The following ZBTB43 variants were observed in gnomAD, a reference collection of about 807,000 sequenced individuals.
ZBTB43 encodes zinc finger and BTB domain containing 43, also known as zinc finger and BTB domain-containing protein 43.
ZBTB43 carries 6 observed loss-of-function variants against 31.1 expected under a neutral mutation model. The observed-to-expected ratio is 0.19, with a 90% CI of 0.11 to 0.38. ZBTB43 has a LOEUF of 0.38. ZBTB43 is among the 10% of genes least tolerant of loss of function. The pLI is 1.00. For synonymous variants in ZBTB43, 212 were observed against 221.7 expected (o/e 0.96, Z 0.39); for missense variants, 379 against 602.1 (o/e 0.63, Z 3.88).
rs2032796205 is a variant in ZBTB43 at position 126,833,040 on chromosome 9, A to C, written c.531A>C (p.Glu177Asp). 1 of 1,613,888 alleles carries C rather than the reference A, an allele frequency of 6.2e-7. No individual in the cohort carries two copies. Among genetic ancestry groups the C allele is most frequent in the South Asian group, 1.1e-5 (1 of 91,084 alleles). Residue 177 changes from glutamate (E) to aspartate (D), a missense_variant, in exon 3 of 3, where the codon GAA becomes GAC. By Grantham distance (45) the Glu-to-Asp change is conservative. Coordinates refer to ENST00000373464, the MANE Select transcript of ZBTB43 (RefSeq NM_014007.4). This position sits in a 1 kb window ranked among gnomAD's most constrained non-coding sequence, Gnocchi z 7.9. ...KAQELRDGEN[E>D]EESTKDELSS... is the part of the protein sequence containing the mutation. ...AAGAACTGAGAGATGGTGAAAATGA[A>C]GAGGAGAGCACCAAAGACGAGCTGT...
intron 2 of ZBTB43, among the ~76,000 whole-genome samples, chr9:126,822,334 A>G (rs1456146224): frequency 6.6e-6 from 1 of 152,142 alleles, no homozygotes; most frequent in African/African-American, 2.4e-5. Flanking sequence ...GATTGACTCA[A>G]ATGTTGTGAA....
Position 126,826,609 on chromosome 9 carries a change from G to C in ZBTB43, c.-23-5878G>C, listed in dbSNP as rs576106679. ...CTCCCGAGTAGCTGGGACTACAGGC[G>C]CCCGCCACCACGCCTGGCTAATTTT... On this transcript the variant is annotated intron_variant, in intron 2 of 2. Transcript: ENST00000373464. Among the ~76,000 whole-genome samples the C allele has an allele frequency of 2.2e-4, 33 of 151,516 alleles. No individual in the cohort carries two copies. In the East Asian group the frequency reaches 5.5e-3, roughly 25 times the overall value.
Position 126,828,046 on chromosome 9 carries a change from T to TG in ZBTB43, c.-23-4440dup, listed in dbSNP as rs570556874. On this transcript the variant is annotated intron_variant, in intron 2 of 2. Transcript: ENST00000373464. ...AAAAAAAGAATTCCACAAAGATACTTGCACTTTATGAAGCAAGCATAGGTT... is the reference window on the plus strand; with the variant it reads ...AAAAAAAGAATTCCACAAAGATACTTGGCACTTTATGAAGCAAGCATAGGTT... Among the ~76,000 whole-genome samples, 280 of 152,198 alleles carry TG rather than the reference T, an allele frequency of 1.8e-3. 3 individuals carry two copies. The highest frequency in any genetic ancestry group is 6.4e-3 in the African/African-American group (266 of 41,530).
Position 126,835,716 on chromosome 9 carries a change from A to ATG in ZBTB43, c.*1804_*1805insGT, listed in dbSNP as rs905486629. ...CTTTGTATTTAAAACTTTATTATAA[A>ATG]TATATATATATATTGTTTTTTTTTA... is the stretch of plus-strand genomic sequence containing the variant. On this transcript the variant is annotated 3_prime_UTR_variant, in exon 3 of 3. Transcript: ENST00000373464. The ATG allele has an allele frequency of 6.3e-6, 1 of 158,290 alleles. No homozygotes were observed. Among genetic ancestry groups the ATG allele is most frequent in the African/African-American group, 2.8e-5 (1 of 35,516 alleles). The allele number at this position is 158,290 out of a possible 1,614,324, so 9.8% of individuals were successfully genotyped here. A position where few individuals can be genotyped will look rare whatever the true frequency, so the allele number is the denominator to read the frequency against.
At chr9:126,804,929 A>G (rs533595338), upstream of ZBTB43, 1 of 152,546 alleles carries the variant, frequency 6.6e-6, no homozygotes, top group Non-Finnish European at 1.5e-5. Context: ...CCCAGCTCAG[A>G]CGGTAAGTCC....
At position 126,833,083 on chromosome 9, in the gene ZBTB43, C is replaced by T. The variant is rs1171018072; in HGVS notation, c.574C>T (p.His192Tyr). The T allele has an allele frequency of 6.2e-7, 1 of 1,613,948 alleles. No individual in the cohort carries two copies. The highest frequency in any genetic ancestry group is 8.5e-7 in the Non-Finnish European group (1 of 1,180,038). The change falls in exon 3 of 3, where the codon CAC (histidine) becomes TAC (tyrosine). Residue 192 changes from histidine to tyrosine, a missense_variant. By Grantham distance (83) the His-to-Tyr change is moderately conservative (BLOSUM62 2). Transcript: ENST00000373464. This position sits in a 1 kb window ranked among gnomAD's most constrained non-coding sequence, Gnocchi z 7.9. ...CGAGCTGTCATCCCAGCTCACCGAG[C>T]ACGAATACCTGCCCAGCAACTCGTC... ...KDELSSQLTE[H>Y]EYLPSNSSTE...
chr9:126,821,100 G>A lies in ZBTB43; in HGVS notation c.-23-11387G>A, dbSNP rs932042036. ...AAAATGTTTTGGTGGCAGTGTGGTAGCTCACACCTGTAACTCCCAGCACTT... is the reference window on the plus strand; with the variant it reads ...AAAATGTTTTGGTGGCAGTGTGGTAACTCACACCTGTAACTCCCAGCACTT... On this transcript the variant is annotated intron_variant, in intron 2 of 2. Transcript: ENST00000373464. 3.3e-5 allele frequency among the ~76,000 whole-genome samples: 5 copies of A among 152,198 alleles called. No individual in the cohort carries two copies. The South Asian group carries it at 8.3e-4, about 25-fold the overall frequency.
Position 126,834,015 on chromosome 9 carries a change from G to A in ZBTB43, c.*102G>A. 3.4e-6 allele frequency: 4 copies of A among 1,188,114 alleles called. No individual in the cohort carries two copies. The highest frequency in any genetic ancestry group is 2.3e-5 in the South Asian group (1 of 43,942). 73.6% of individuals were successfully genotyped at this position (1,188,114 alleles called of 1,614,324 possible). A position where few individuals can be genotyped will look rare whatever the true frequency, so the allele number is the denominator to read the frequency against. On this transcript the variant is annotated 3_prime_UTR_variant, in exon 3 of 3. Transcript: ENST00000373464. The stretch of plus-strand genomic sequence containing the variant: ...CGTGCTACTTGCTATTATGAGAGAA[G>A]CTTAAAAAAAAAAAGGAAGATATTT...
chr9:126,827,701 T>C (rs908025177), intron 2 of ZBTB43, among the ~76,000 whole-genome samples: 1 of 152,208 alleles, frequency 6.6e-6, no homozygotes, highest in Non-Finnish European at 1.5e-5. Context: ...AAATGTATTC[T>C]CGTCATTTAG....
intron 2 of ZBTB43, among the ~76,000 whole-genome samples, chr9:126,814,934 T>A (rs949050702): frequency 8.7e-5 from 13 of 150,058 alleles, no homozygotes; most frequent in African/African-American, 3.2e-4. Context: ...TCCTGTCTCC[T>A]GGCTTGCATT....
intron 2 of ZBTB43, among the ~76,000 whole-genome samples, chr9:126,812,616 T>C (rs542963704): frequency 1.3e-5 from 2 of 152,340 alleles, no homozygotes; most frequent in African/African-American, 4.8e-5. Context: ...TTTTAGTGAG[T>C]GAAAAGGGAT....
Position 126,833,898 on chromosome 9 carries a change from A to G in ZBTB43, c.1389A>G (p.Thr463=), listed in dbSNP as rs1163874073. 3 of 1,576,982 alleles carry G rather than the reference A, an allele frequency of 1.9e-6. No homozygotes were observed. The highest frequency in any genetic ancestry group is 2.6e-6 in the Non-Finnish European group (3 of 1,153,124). The change falls in exon 3 of 3, where the codon ACA becomes ACG. Residue 463 remains threonine, a synonymous_variant. Coordinates refer to ENST00000373464, the MANE Select transcript of ZBTB43 (RefSeq NM_014007.4). The surrounding 1 kb of genome is among the most constrained non-coding windows in gnomAD (Gnocchi z 7.9). The stretch of plus-strand genomic sequence containing the variant: ...AAGCTGCAAAGGCTGAGCAGAATAC[A>G]ACTGAGGCTAACTAAAAATAGGATC... The part of the protein sequence containing the change: ...SYEAAKAEQN[T]TEAN
At chr9:126,805,339 A>G (rs866702935) in intron 1 of ZBTB43, among the ~76,000 whole-genome samples, 1 of 152,200 alleles carries the variant, frequency 6.6e-6, no homozygotes, top group Non-Finnish European at 1.5e-5. Flanking sequence ...CACGGCGCGC[A>G]GACCGCGATA....
intron 2 of ZBTB43, among the ~76,000 whole-genome samples, chr9:126,812,731 G>C (rs915424040): frequency 6.6e-6 from 1 of 152,176 alleles, no homozygotes; most frequent in African/African-American, 2.4e-5. Context: ...TGTCTCTTCA[G>C]ATCCTTTATC....
chr9:126,812,186 G>A (rs1014878672), intron 2 of ZBTB43, among the ~76,000 whole-genome samples: 36 of 151,116 alleles, frequency 2.4e-4, no homozygotes, highest in African/African-American at 5.4e-4. Flanking sequence ...TTTTGTGTCC[G>A]ACCTCTTTCA....
chr9:126,831,398 A>G (rs1442300710), intron 2 of ZBTB43: 1 of 152,176 alleles, frequency 6.6e-6, no homozygotes, highest in East Asian at 1.9e-4. Flanking sequence ...CAGCTACACA[A>G]GAGGCTGAGG....
rs2032781019 is a variant in ZBTB43, at chr9:126,832,294, G to A, written c.-23-193G>A. On this transcript the variant is annotated intron_variant, in intron 2 of 2. Coordinates refer to ENST00000373464, the MANE Select transcript of ZBTB43 (RefSeq NM_014007.4). The stretch of plus-strand genomic sequence containing the variant: ...GAACCAAAATCAGGAGTTCCACAAG[G>A]AGTGGTGGTGAGTCCTGCCTTTGGC... The A allele has an allele frequency of 1.9e-5, 11 of 567,302 alleles. No individual in the cohort carries two copies. In the Admixed American group the frequency reaches 3.6e-4, roughly 19 times the overall value. The allele number at this position is 567,302 out of a possible 1,614,324, so 35.1% of individuals were successfully genotyped here.
At position 126,834,018 on chromosome 9, in the gene ZBTB43, T is replaced by TA. The variant is rs373630242; in HGVS notation, c.*116dup. The TA allele has an allele frequency of 0.022, 21,283 of 953,212 alleles. 2 individuals carry two copies. The highest frequency in any genetic ancestry group is 0.025 in the South Asian group (922 of 37,486). The allele number at this position is 953,212 out of a possible 1,614,324, so 59.0% of individuals were successfully genotyped here. On this transcript the variant is annotated 3_prime_UTR_variant, in exon 3 of 3. Transcript: ENST00000373464. ...GCTACTTGCTATTATGAGAGAAGCT[T>TA]AAAAAAAAAAAGGAAGATATTTCTG...
At position 126,832,404 on chromosome 9, in the gene ZBTB43, G is replaced by GA. The variant is rs1256639350; in HGVS notation, c.-23-81dup. 3.0e-6 allele frequency: 4 copies of GA among 1,333,246 alleles called. No individual in the cohort carries two copies. In the Admixed American group the frequency reaches 1.0e-4, roughly 34 times the overall value. 82.6% of individuals were successfully genotyped at this position (1,333,246 alleles called of 1,614,324 possible). Reference sequence around the variant, plus strand: ...GGCTAGAGGACTTTGTGGAACTTTGGAACTTGTCTTAACAATGGAGGAGGG... The same window carrying GA: ...GGCTAGAGGACTTTGTGGAACTTTGGAAACTTGTCTTAACAATGGAGGAGGG... On this transcript the variant is annotated intron_variant, in intron 2 of 2. Coordinates refer to ENST00000373464, the MANE Select transcript of ZBTB43 (RefSeq NM_014007.4).
Sources: allele counts gnomAD v4.1 joint callset (sites outside exome capture counted in the v4.1 genomes callset), GRCh38; gene constraint gnomAD v4.1.1; non-coding constraint Gnocchi (gnomAD v3.1); transcripts MANE v1.5; gene names NCBI Gene and HGNC (gene_info 2026-07-23, HGNC 2026-07-21).